Variants in ST3GAL3 observed in about 807,000 individuals in gnomAD.
ST3GAL3 encodes CMP-N-acetylneuraminate-beta-1,4-galactoside alpha-2,3-sialyltransferase.
Under a neutral mutation model 50.1 loss-of-function variants are expected in ST3GAL3, and 21 were observed. The ratio of observed to expected loss-of-function variants is 0.42; its 90% CI spans 0.30 to 0.60. The LOEUF (loss-of-function observed/expected upper bound fraction) is 0.60. Among genes scored for constraint, ST3GAL3 ranks in the 20% least tolerant of loss-of-function variants. The probability of loss-of-function intolerance (pLI) is 0.19; values close to 1 mark genes in which losing one functional copy is unlikely to be tolerated. For synonymous variants in ST3GAL3, 183 were observed against 190.0 expected (o/e 0.96, Z 0.30); for missense variants, 353 against 489.4 (o/e 0.72, Z 2.63).
At chr1:43,909,791 CAAGA>C (rs1313386858) in intron 9 of ST3GAL3, among the ~76,000 whole-genome samples, 2 of 152,118 alleles carry the variant, frequency 1.3e-5, no homozygotes, top group African/African-American at 4.8e-5. Context: ...TGAGAGTTAA[CAAGA>C]AAGCCATTAG....
chr1:43,837,257 T>A (rs2064505421), intron 4 of ST3GAL3, among the ~76,000 whole-genome samples: 1 of 152,124 alleles, frequency 6.6e-6, no homozygotes, highest in Non-Finnish European at 1.5e-5. Context: ...GGTCAGGGAA[T>A]CACTCCCAGT....
At chr1:43,801,183 T>C (rs2154161796) in intron 3 of ST3GAL3, 1 of 417,278 alleles carries the variant, frequency 2.4e-6, no homozygotes, top group Non-Finnish European at 4.8e-6. Flanking sequence ...AATACCAAAC[T>C]TTATATACCT....
At chr1:43,806,249 A>G (rs1433591724) in intron 3 of ST3GAL3, among the ~76,000 whole-genome samples, 1 of 152,210 alleles carries the variant, frequency 6.6e-6, no homozygotes, top group Non-Finnish European at 1.5e-5. Flanking sequence ...ATTGAGCTTT[A>G]GTGATGGCTT....
intron 2 of ST3GAL3, among the ~76,000 whole-genome samples, chr1:43,742,414 C>CAT (rs1681349201): frequency 6.6e-6 from 1 of 152,356 alleles, no homozygotes; most frequent in African/African-American, 2.4e-5. Context: ...GATCCACACT[C>CAT]ATGATGCATA....
At chr1:43,923,477 AGTCCTGG>A (rs2083404822) in intron 11 of ST3GAL3, among the ~76,000 whole-genome samples, 1 of 152,148 alleles carries the variant, frequency 6.6e-6, no homozygotes. Flanking sequence ...CATATCCCAC[AGTCCTGG>A]AGGCTGGGAA....
At chr1:43,762,330 A>G (rs145888847) in intron 2 of ST3GAL3, among the ~76,000 whole-genome samples, 1 of 151,770 alleles carries the variant, frequency 6.6e-6, no homozygotes, top group Admixed American at 6.6e-5. Context: ...ATGTAACCAT[A>G]TCTGTGAAGG....
intron 5 of ST3GAL3, chr1:43,842,004 C>G (rs1412913405): frequency 6.6e-6 from 1 of 152,242 alleles, no homozygotes; most frequent in African/African-American, 2.4e-5. Flanking sequence ...CTCTCAACTT[C>G]AAACTTCCAC....
At chr1:43,709,970 C>G (rs1663774446) in intron 1 of ST3GAL3, among the ~76,000 whole-genome samples, 1 of 152,088 alleles carries the variant, frequency 6.6e-6, no homozygotes, top group Non-Finnish European at 1.5e-5. Context: ...AATAACAGTT[C>G]TCTCAACCCA....
At chr1:43,913,371 A>C (rs936926733) in intron 9 of ST3GAL3, 2 of 152,228 alleles carry the variant, frequency 1.3e-5, no homozygotes, top group Admixed American at 6.5e-5. Flanking sequence ...AGGTCTTCTC[A>C]GCCCTATTGT....
intron 5 of ST3GAL3, chr1:43,838,553 A>C (rs1291673962): frequency 2.1e-6 from 1 of 475,558 alleles, no homozygotes; most frequent in African/African-American, 2.0e-5. Flanking sequence ...CAGAAGGATA[A>C]CCTACATGGT....
chr1:43,911,633 C>CTACAGA lies in ST3GAL3; in HGVS notation c.745-8769_745-8768insCAGATA, dbSNP rs1557497077. On this transcript the variant is annotated intron_variant, in intron 9 of 11. Transcript: ENST00000347631. ...TATCTACAGATATATCTATAGATAT[C>CTACAGA]TATATCTATAGATATATCTGTAGCT... is the stretch of plus-strand genomic sequence containing the variant. Among the ~76,000 whole-genome samples the CTACAGA allele has an allele frequency of 5.9e-4, 74 of 125,280 alleles. 1 individual carries two copies. Among genetic ancestry groups the CTACAGA allele is most frequent in the African/African-American group, 2.5e-3 (71 of 28,738 alleles). The allele number at this position is 125,280 out of a possible 152,430, so 82.2% of individuals were successfully genotyped here.
chr1:43,899,850 C>G lies in ST3GAL3; in HGVS notation c.744+123C>G. On this transcript the variant is annotated intron_variant, in intron 9 of 11. Coordinates refer to ENST00000347631, the MANE Select transcript of ST3GAL3 (RefSeq NM_006279.5). The surrounding 1 kb of genome is among the most constrained non-coding windows in gnomAD (Gnocchi z 5.4). ...ACCTTCAAAGGAAACATTAATGACC[C>G]AAAGCCGAAATCACCCAATGGCAAC... is the stretch of plus-strand genomic sequence containing the variant. The G allele has an allele frequency of 1.9e-6, 2 of 1,075,126 alleles. No individual in the cohort carries two copies. Among genetic ancestry groups the G allele is most frequent in the Non-Finnish European group, 2.8e-6 (2 of 718,670 alleles). 66.6% of individuals were successfully genotyped at this position (1,075,126 alleles called of 1,614,324 possible).
intron 2 of ST3GAL3, among the ~76,000 whole-genome samples, chr1:43,760,026 C>T (rs916301745): frequency 6.6e-6 from 1 of 152,088 alleles, no homozygotes; most frequent in South Asian, 2.1e-4. Context: ...TATTGTTGCC[C>T]CAAGGAAAAG....
intron 1 of ST3GAL3, among the ~76,000 whole-genome samples, chr1:43,711,748 CTT>C (rs1227350920): frequency 2.6e-5 from 4 of 152,210 alleles, no homozygotes; most frequent in Non-Finnish European, 4.4e-5. Context: ...TGAGGAATGT[CTT>C]TTACAAAACT....
chr1:43,791,985 G>T, intron 2 of ST3GAL3, 117 bp from the exon 3 acceptor site: 2 of 1,252,946 alleles, frequency 1.6e-6, no homozygotes, highest in South Asian at 2.4e-5. Context: ...TGGGCTGTTC[G>T]ACTGAGTTCC....
At chr1:43,892,311 G>A (rs1463725364) in intron 5 of ST3GAL3, among the ~76,000 whole-genome samples, 1 of 152,028 alleles carries the variant, frequency 6.6e-6, no homozygotes, top group Non-Finnish European at 1.5e-5. Context: ...AGGCTGGAGT[G>A]CAGTAGTGTG....
At chr1:43,927,975 A>G (rs912530797) in intron 11 of ST3GAL3, among the ~76,000 whole-genome samples, 4 of 152,152 alleles carry the variant, frequency 2.6e-5, no homozygotes, top group Admixed American at 1.3e-4. Context: ...TGATTAGCAC[A>G]AGAGGTTGAA....
chr1:43,728,370 C>G (rs1230235590), intron 1 of ST3GAL3, among the ~76,000 whole-genome samples: 1 of 124,312 alleles, frequency 8.0e-6, no homozygotes, highest in Non-Finnish European at 1.9e-5. Flanking sequence ...AAAACACCAT[C>G]AAAATCTAGG....
intron 3 of ST3GAL3, among the ~76,000 whole-genome samples, chr1:43,808,488 A>G (rs546883661): frequency 6.6e-6 from 1 of 152,286 alleles, no homozygotes; most frequent in Admixed American, 6.5e-5. Flanking sequence ...AAAAAAAAAT[A>G]TGGAAATATT....
Sources: allele counts gnomAD v4.1 joint callset (sites outside exome capture counted in the v4.1 genomes callset), GRCh38; gene constraint gnomAD v4.1.1; non-coding constraint Gnocchi (gnomAD v3.1); transcripts MANE v1.5; gene names NCBI Gene and HGNC (gene_info 2026-07-23, HGNC 2026-07-21).